The following GABRB1 variants were observed in gnomAD, a reference collection of about 807,000 sequenced individuals.
GABRB1 encodes gamma-aminobutyric acid type A receptor subunit beta1.
Under a neutral mutation model 51.6 loss-of-function variants are expected in GABRB1, and 17 were observed. The observed-to-expected ratio is 0.33, with a 90% CI of 0.23 to 0.49. The LOEUF (loss-of-function observed/expected upper bound fraction) is 0.49. Among genes scored for constraint, GABRB1 ranks in the 20% least tolerant of loss-of-function variants. The pLI, the probability that GABRB1 is intolerant of heterozygous loss-of-function variation, is 0.99. For missense variants in GABRB1, 410 were observed against 600.6 expected (o/e 0.68, Z 3.32); for synonymous variants, 247 against 218.9 (o/e 1.13, Z -1.14).
chr4:47,241,490 C>T lies in GABRB1; in HGVS notation c.462-78637C>T, dbSNP rs79636846. The stretch of plus-strand genomic sequence containing the variant: ...CCATAGACATGTTCTCACCTTGATC[C>T]TCTGTATGCTTCAGGCGACATCATT... On this transcript the variant is annotated intron_variant, in intron 4 of 8. Transcript: ENST00000295454. Among the ~76,000 whole-genome samples, 483 of 152,320 alleles carry T rather than the reference C, an allele frequency of 3.2e-3. 1 individual carries two copies. Among genetic ancestry groups the T allele is most frequent in the East Asian group, 0.011 (56 of 5,188 alleles).
chr4:47,299,431 A>T (rs1310806261), intron 4 of GABRB1, among the ~76,000 whole-genome samples: 1 of 152,214 alleles, frequency 6.6e-6, no homozygotes, highest in African/African-American at 2.4e-5. Flanking sequence ...TGGGCGAAGG[A>T]CATGAACAGA....
intron 1 of GABRB1, among the ~76,000 whole-genome samples, chr4:46,995,681 A>G (rs1333408402): frequency 6.6e-6 from 1 of 152,074 alleles, no homozygotes; most frequent in African/African-American, 2.4e-5. Context: ...CTTTTCCTAT[A>G]CTTTCTAAAA....
chr4:47,017,008 A>G (rs1386684798), intron 1 of GABRB1, among the ~76,000 whole-genome samples: 4 of 152,238 alleles, frequency 2.6e-5, no homozygotes, highest in Admixed American at 1.3e-4. Context: ...AACTTTTAAT[A>G]CATAACAAAC....
chr4:47,117,056 T>G (rs28428700), intron 3 of GABRB1, among the ~76,000 whole-genome samples: 2,263 of 152,180 alleles, frequency 0.015, 49 homozygotes, highest in African/African-American at 0.052. Context: ...CACTGAAGAT[T>G]ACAATTAGGT....
At chr4:47,246,334 G>C (rs866063911) in intron 4 of GABRB1, among the ~76,000 whole-genome samples, 2 of 7,656 alleles carry the variant, frequency 2.6e-4, no homozygotes, top group East Asian at 3.4e-3. Flanking sequence ...ACACACATAT[G>C]TACATATATA....
intron 4 of GABRB1, among the ~76,000 whole-genome samples, chr4:47,229,465 G>A (rs976912434): frequency 3.3e-5 from 5 of 152,088 alleles, no homozygotes; most frequent in Admixed American, 6.6e-5. Context: ...AAGAAAACGA[G>A]TGTATCCAAA....
chr4:47,192,071 AAAAACAAAAC>A (rs577605747), intron 4 of GABRB1, among the ~76,000 whole-genome samples: 6 of 152,024 alleles, frequency 3.9e-5, no homozygotes, highest in Non-Finnish European at 5.9e-5. Context: ...CCATCCTTGG[AAAAACAAAAC>A]AAAACAAAAC....
chr4:47,259,104 C>A (rs1242257012), intron 4 of GABRB1, among the ~76,000 whole-genome samples: 3 of 152,048 alleles, frequency 2.0e-5, no homozygotes, highest in Non-Finnish European at 2.9e-5. Context: ...TCCCCACAGC[C>A]AAATTGATCA....
At chr4:47,258,293 A>G (rs538860027) in intron 4 of GABRB1, among the ~76,000 whole-genome samples, 1 of 152,284 alleles carries the variant, frequency 6.6e-6, no homozygotes, top group East Asian at 1.9e-4. Context: ...AAAGGGTACT[A>G]TCATAGCCAA....
At chr4:47,086,223 G>A (rs1268663101) in intron 3 of GABRB1, among the ~76,000 whole-genome samples, 2 of 152,178 alleles carry the variant, frequency 1.3e-5, no homozygotes, top group Non-Finnish European at 2.9e-5. Context: ...CTTTACACAT[G>A]TTTGCGGGTT....
At chr4:47,399,130 A>C (rs965134882) in intron 5 of GABRB1, among the ~76,000 whole-genome samples, 7 of 152,212 alleles carry the variant, frequency 4.6e-5, no homozygotes, top group Admixed American at 3.9e-4. Context: ...GCTTTGTTAA[A>C]AGAGAACTAG....
intron 4 of GABRB1, among the ~76,000 whole-genome samples, chr4:47,206,294 A>G (rs1264477379): frequency 6.6e-6 from 1 of 152,048 alleles, no homozygotes; most frequent in Non-Finnish European, 1.5e-5. Context: ...AAATCCTCTC[A>G]CAGTCTATAA....
chr4:47,408,256 C>T (rs1728642946), intron 8 of GABRB1, among the ~76,000 whole-genome samples: 1 of 152,084 alleles, frequency 6.6e-6, no homozygotes, highest in Admixed American at 6.5e-5. Flanking sequence ...CCATTCTAGG[C>T]AAAGGAAATA....
chr4:47,180,981 G>A (rs1321475096), intron 4 of GABRB1, among the ~76,000 whole-genome samples: 1 of 151,870 alleles, frequency 6.6e-6, no homozygotes, highest in Non-Finnish European at 1.5e-5. Flanking sequence ...TCATTATAAT[G>A]TGCCTTGGTA....
rs1164762125 is a variant in GABRB1, at chr4:47,172,019, T to C, written c.461+10550T>C. Among the ~76,000 whole-genome samples, 4 of 151,966 alleles carry C rather than the reference T, an allele frequency of 2.6e-5. No individual in the cohort carries two copies. In the East Asian group the frequency reaches 7.7e-4, roughly 29 times the overall value. On this transcript the variant is annotated intron_variant, in intron 4 of 8. Coordinates refer to ENST00000295454, the MANE Select transcript of GABRB1 (RefSeq NM_000812.4). Reference sequence around the variant, plus strand: ...ATTCCACTGTCGTTTGTATATCAAATATAATAATAAGCCTGGTATGTCATT... The same window carrying C: ...ATTCCACTGTCGTTTGTATATCAAACATAATAATAAGCCTGGTATGTCATT...
At chr4:47,181,626 A>G (rs1718953033) in intron 4 of GABRB1, among the ~76,000 whole-genome samples, 1 of 152,026 alleles carries the variant, frequency 6.6e-6, no homozygotes. Context: ...CCTATCGCAT[A>G]GGGTTGTAAG....
At chr4:47,179,119 C>G (rs529964663) in intron 4 of GABRB1, among the ~76,000 whole-genome samples, 2 of 152,008 alleles carry the variant, frequency 1.3e-5, no homozygotes, top group Non-Finnish European at 2.9e-5. Flanking sequence ...TCCCCTAGCC[C>G]CTCACCCCCT....
chr4:47,009,153 C>T (rs895012053), intron 1 of GABRB1, among the ~76,000 whole-genome samples: 6 of 149,942 alleles, frequency 4.0e-5, no homozygotes, highest in African/African-American at 7.3e-5. Context: ...CATGAGCCAC[C>T]GCGCCCGGCC....
intron 4 of GABRB1, among the ~76,000 whole-genome samples, chr4:47,292,663 C>T (rs1723794224): frequency 6.6e-6 from 1 of 152,278 alleles, no homozygotes; most frequent in South Asian, 2.1e-4. Context: ...GAGACTATTG[C>T]AGACTGGGTA....
Sources: gnomAD v4.1 joint callset for allele counts (sites outside exome capture counted in the v4.1 genomes callset) on GRCh38, gnomAD v4.1.1 for gene constraint, MANE v1.5 for transcripts, NCBI Gene and HGNC (gene_info 2026-07-23, HGNC 2026-07-21) for gene names.